Variants in UNC5D observed in about 807,000 individuals in gnomAD.
UNC5D encodes the protein unc-5 netrin receptor D.
A neutral mutation model predicts 105.4 loss-of-function variants in UNC5D; 39 were observed. That is an observed-to-expected ratio of 0.37 (90% confidence interval 0.29 to 0.48). The LOEUF (loss-of-function observed/expected upper bound fraction) is 0.48. Among genes scored for constraint, UNC5D ranks in the 20% least tolerant of loss-of-function variants. The pLI, the probability that UNC5D is intolerant of heterozygous loss-of-function variation, is 0.98. For synonymous variants in UNC5D, 452 were observed against 450.4 expected, an observed-to-expected ratio of 1.00 and a Z score of -0.04; for missense variants, 991 against 1,202.4, an observed-to-expected ratio of 0.82 and a Z score of 2.60.
At chr8:35,582,166 T>C (rs1818502764) in intron 3 of UNC5D, among the ~76,000 whole-genome samples, 1 of 152,142 alleles carries the variant, frequency 6.6e-6, no homozygotes, top group Admixed American at 6.6e-5. Flanking sequence ...AGCCCCCATG[T>C]CTTTCTTCCC....
chr8:35,626,757 C>T (rs1294499464), intron 4 of UNC5D, among the ~76,000 whole-genome samples: 4 of 152,190 alleles, frequency 2.6e-5, no homozygotes. Flanking sequence ...TGAGTTCAAA[C>T]ATTTTCTGGA....
At chr8:35,425,922 A>T (rs960326970) in intron 1 of UNC5D, among the ~76,000 whole-genome samples, 5 of 152,140 alleles carry the variant, frequency 3.3e-5, no homozygotes, top group African/African-American at 1.2e-4. Context: ...AGAAACCTAA[A>T]AACCATCTGG....
At chr8:35,783,282 G>T (rs2131783109) in intron 16 of UNC5D, among the ~76,000 whole-genome samples, 1 of 152,290 alleles carries the variant, frequency 6.6e-6, no homozygotes, top group African/African-American at 2.4e-5. Context: ...CCGAAATTCT[G>T]AAATTATTGC....
Position 35,404,591 on chromosome 8 carries a change from AT to A in UNC5D, c.104-144690del, listed in dbSNP as rs113907449. Among the ~76,000 whole-genome samples the A allele has an allele frequency of 3.1e-3, 455 of 148,276 alleles. 3 individuals are homozygous for A. The highest frequency in any genetic ancestry group is 9.7e-3 in the African/African-American group (395 of 40,656). ...CCACTTCAACAAGATTTCCCATGTG[AT>A]TTTTTTTTTTCTTGAGACGGAGTCT... On this transcript the variant is annotated intron_variant, in intron 1 of 16. Transcript: ENST00000404895.
intron 4 of UNC5D, among the ~76,000 whole-genome samples, chr8:35,646,490 C>T (rs1422289906): frequency 6.6e-6 from 1 of 152,016 alleles, no homozygotes; most frequent in Non-Finnish European, 1.5e-5. Context: ...TCAACCCAGT[C>T]CTGAAATACC....
At chr8:35,248,768 A>T (rs1423941333) in intron 1 of UNC5D, among the ~76,000 whole-genome samples, 1 of 98,606 alleles carries the variant, frequency 1.0e-5, no homozygotes, top group Non-Finnish European at 1.8e-5. Context: ...TATATAATAT[A>T]TTATATAAAT....
At chr8:35,388,258 G>T (rs1282756032) in intron 1 of UNC5D, among the ~76,000 whole-genome samples, 1 of 152,002 alleles carries the variant, frequency 6.6e-6, no homozygotes, top group Non-Finnish European at 1.5e-5. Context: ...CAGCTACTCG[G>T]GAGGCTGAGG....
intron 1 of UNC5D, among the ~76,000 whole-genome samples, chr8:35,505,722 G>C (rs1333410845): frequency 6.6e-6 from 1 of 152,136 alleles, no homozygotes; most frequent in Non-Finnish European, 1.5e-5. Flanking sequence ...TTTTCATTAG[G>C]GGCTGTCGAG....
intron 8 of UNC5D, among the ~76,000 whole-genome samples, chr8:35,721,020 T>C (rs565677380): frequency 6.6e-6 from 1 of 152,328 alleles, no homozygotes; most frequent in East Asian, 1.9e-4. Flanking sequence ...GTATTACTCA[T>C]TTGATAACAT....
chr8:35,518,109 T>A (rs1262476418), intron 1 of UNC5D, among the ~76,000 whole-genome samples: 2 of 152,076 alleles, frequency 1.3e-5, no homozygotes, highest in Non-Finnish European at 2.9e-5. Context: ...GAGAACTTTT[T>A]AAAATACTGA....
chr8:35,310,981 G>A lies in UNC5D; in HGVS notation c.103+75094G>A, dbSNP rs141068602. On this transcript the variant is annotated intron_variant, in intron 1 of 16. Transcript: ENST00000404895. ...GTGGGCAAGCAGGACTAGATACAGT[G>A]TCCACCCTAATTTGACAAATAATTG... Among the ~76,000 whole-genome samples the A allele has an allele frequency of 8.1e-4, 124 of 152,290 alleles. 1 individual carries two copies. Among genetic ancestry groups the A allele is most frequent in the African/African-American group, 2.8e-3 (118 of 41,560 alleles).
chr8:35,295,696 T>G (rs780923206), intron 1 of UNC5D, among the ~76,000 whole-genome samples: 8 of 152,134 alleles, frequency 5.3e-5, no homozygotes, highest in Admixed American at 1.3e-4. Context: ...GTGAGAACAC[T>G]TAAGATCTAC....
intron 4 of UNC5D, among the ~76,000 whole-genome samples, chr8:35,680,775 T>G (rs558500419): frequency 6.6e-6 from 1 of 152,308 alleles, no homozygotes; most frequent in South Asian, 2.1e-4. Flanking sequence ...CAGGGCTATC[T>G]ACTTGGTGTG....
chr8:35,684,715 A>G lies in UNC5D; in HGVS notation c.885A>G (p.Ser295=). Residue 295 remains serine, a synonymous_variant, in exon 6 of 17, where the codon TCA becomes TCG. Transcript: ENST00000404895. ...GTGGGGCCTTTTGTGAGGGAATGTC[A>G]GTGCAGAAAATAACCTGCACTTCTC... is the stretch of plus-strand genomic sequence containing the variant. The part of the protein sequence containing the change: ...LNGGAFCEGM[S]VQKITCTSLC... 6.2e-7 allele frequency: 1 copy of G among 1,613,726 alleles called. No homozygotes were observed. The highest frequency in any genetic ancestry group is 8.5e-7 in the Non-Finnish European group (1 of 1,179,820).
At chr8:35,495,458 CAA>C (rs71547636) in intron 1 of UNC5D, among the ~76,000 whole-genome samples, 4 of 44,618 alleles carry the variant, frequency 9.0e-5, no homozygotes, top group Admixed American at 3.5e-4. Flanking sequence ...ACAACAACAA[CAA>C]AAAAAAAAAA....
At chr8:35,504,557 G>A (rs888117569) in intron 1 of UNC5D, among the ~76,000 whole-genome samples, 5 of 152,146 alleles carry the variant, frequency 3.3e-5, no homozygotes, top group Non-Finnish European at 5.9e-5. Context: ...AAGGAAGGCC[G>A]AGGTTTTACC....
At chr8:35,514,935 G>T (rs549930965) in intron 1 of UNC5D, among the ~76,000 whole-genome samples, 9 of 152,124 alleles carry the variant, frequency 5.9e-5, no homozygotes, top group Non-Finnish European at 8.8e-5. Context: ...TTATGTTGCC[G>T]GCTCTGAAAG....
At chr8:35,706,171 C>T (rs1013075908) in intron 8 of UNC5D, among the ~76,000 whole-genome samples, 3 of 152,144 alleles carry the variant, frequency 2.0e-5, no homozygotes, top group Non-Finnish European at 2.9e-5. Context: ...AAAAATAAAT[C>T]GCTCCTCTTG....
chr8:35,506,474 G>C (rs963283378), intron 1 of UNC5D, among the ~76,000 whole-genome samples: 2 of 152,150 alleles, frequency 1.3e-5, no homozygotes, highest in African/African-American at 2.4e-5. Flanking sequence ...CCCTTTAAAA[G>C]GAGGAAGAAA....
Sources: allele counts gnomAD v4.1 joint callset (sites outside exome capture counted in the v4.1 genomes callset), GRCh38; gene constraint gnomAD v4.1.1; transcripts MANE v1.5; gene names NCBI Gene and HGNC (gene_info 2026-07-23, HGNC 2026-07-21).